The following KLHL28 variants were observed in gnomAD, a reference collection of about 807,000 sequenced individuals.
KLHL28 encodes the protein kelch like family member 28.
In KLHL28, 22 loss-of-function variants were observed where a neutral mutation model predicts 48.3. The observed-to-expected ratio is 0.46, with a 90% confidence interval of 0.33 to 0.65. The LOEUF is 0.65. KLHL28 is among the 30% of genes least tolerant of loss of function. The pLI, the probability that KLHL28 is intolerant of heterozygous loss-of-function variation, is 0.03. For synonymous variants in KLHL28, 243 were observed against 242.4 expected (o/e 1.00, Z -0.02); for missense variants, 527 against 704.3 (o/e 0.75, Z 2.85).
At chr14:44,944,896 G>T in intron 2 of KLHL28, 134 bp downstream of exon 2, 1 of 645,076 alleles carries the variant, frequency 1.6e-6, no homozygotes, top group Admixed American at 3.0e-5. Context: ...ATTTTAGGAA[G>T]AAGAAAAAAA....
At chr14:44,930,359 G>A (rs889619870) in intron 4 of KLHL28, among the ~76,000 whole-genome samples, 14 of 152,072 alleles carry the variant, frequency 9.2e-5, no homozygotes, top group East Asian at 1.9e-4. Context: ...GCGCGATCTC[G>A]GTTCTAGCGA....
intron 1 of KLHL28, chr14:44,959,652 T>C (rs1884949241): frequency 6.6e-6 from 1 of 152,158 alleles, no homozygotes. Flanking sequence ...AAAATTAACA[T>C]ATGTAGCACA....
intron 1 of KLHL28, among the ~76,000 whole-genome samples, chr14:44,949,607 C>A (rs1428861548): frequency 6.6e-6 from 1 of 152,022 alleles, no homozygotes; most frequent in Non-Finnish European, 1.5e-5. Flanking sequence ...ATGTCCTGAA[C>A]TTTGAAGATG....
In KLHL28 at chr14:44,945,090, C is replaced by G. The variant is rs1279606091; in HGVS notation, c.839G>C (p.Cys280Ser). The G allele has an allele frequency of 1.9e-6, 3 of 1,613,952 alleles. No individual in the cohort carries two copies. In the African/African-American group the frequency reaches 4.0e-5, roughly 22 times the overall value. ...HQTVLMTRPR[C>S]APKVLCAVGG... ...TACTGCACAAAGTACTTTGGGAGCA[C>G]AGCGAGGTCGTGTCATCAAGACTGT... The change falls in exon 2 of 5, where the codon TGT becomes TCT. Residue 280 changes from cysteine to serine, a missense_variant. Transcript: ENST00000396128.
intron 4 of KLHL28, 23 bp downstream of exon 4, chr14:44,931,310 A>G (rs553975810): frequency 1.3e-6 from 2 of 1,515,514 alleles, no homozygotes; most frequent in South Asian, 2.3e-5. Flanking sequence ...TTACATGTTT[A>G]GAAATTAATA....
chr14:44,944,283 T>C (rs1290405069), intron 2 of KLHL28, among the ~76,000 whole-genome samples: 1 of 152,238 alleles, frequency 6.6e-6, no homozygotes, highest in East Asian at 1.9e-4. Flanking sequence ...GCCCACTAGC[T>C]ATTTTTATAA....
In KLHL28 at chr14:44,947,333, G is replaced by C. The variant is rs562380586; in HGVS notation, c.1-1405C>G. Reference sequence around the variant, plus strand: ...GAGCTTATGGAAGGAGCATGGTCCTGCCACCTTAATTTTAGCCCACTGACA... The same window carrying C: ...GAGCTTATGGAAGGAGCATGGTCCTCCCACCTTAATTTTAGCCCACTGACA... On this transcript the variant is annotated intron_variant, in intron 1 of 4. Coordinates refer to ENST00000396128, the MANE Select transcript of KLHL28 (RefSeq NM_017658.5). Among the ~76,000 whole-genome samples the C allele has an allele frequency of 2.3e-4, 35 of 152,318 alleles. 1 individual carries two copies. In the South Asian group the frequency reaches 7.0e-3, roughly 31 times the overall value.
At chr14:44,956,874 A>G (rs1884814339) in intron 1 of KLHL28, among the ~76,000 whole-genome samples, 1 of 152,156 alleles carries the variant, frequency 6.6e-6, no homozygotes, top group Non-Finnish European at 1.5e-5. Flanking sequence ...TTGGTGTGCA[A>G]TGGTGCAATT....
intron 1 of KLHL28, among the ~76,000 whole-genome samples, chr14:44,955,777 C>G (rs1884769464): frequency 6.6e-6 from 1 of 152,040 alleles, no homozygotes; most frequent in Non-Finnish European, 1.5e-5. Flanking sequence ...CAGAGTGAGG[C>G]CCTGCCTCAA....
chr14:44,926,551 G>C lies in KLHL28; in HGVS notation c.*2477C>G, dbSNP rs1883378433. 1 of 151,758 alleles carries C rather than the reference G, an allele frequency of 6.6e-6. No individual in the cohort carries two copies. The highest frequency in any genetic ancestry group is 2.4e-5 in the African/African-American group (1 of 41,180). 9.4% of individuals were successfully genotyped at this position (151,758 alleles called of 1,614,324 possible). A position where few individuals can be genotyped will look rare whatever the true frequency, so the allele number is the denominator to read the frequency against. ...GGTGGAGTTTCACTCTTGTTGCCCAGGCTGGAGTGCAATGGTGCAAGCTCG... is the reference window on the plus strand; with the variant it reads ...GGTGGAGTTTCACTCTTGTTGCCCACGCTGGAGTGCAATGGTGCAAGCTCG... On this transcript the variant is annotated 3_prime_UTR_variant, in exon 5 of 5. Transcript: ENST00000396128.
chr14:44,948,220 C>A (rs767714808), intron 1 of KLHL28, among the ~76,000 whole-genome samples: 85 of 152,230 alleles, frequency 5.6e-4, no homozygotes, highest in Non-Finnish European at 1.1e-3. Context: ...AGAATGAGAT[C>A]ATAATAATAC....
In KLHL28 at chr14:44,939,591, C is replaced by T. The variant is rs140285321; in HGVS notation, c.900-5033G>A. ...TCTGAAGTTCTGCATTCCATAAAGT[C>T]CTAGGAAACTGATGCAATTCAGCAA... On this transcript the variant is annotated intron_variant, in intron 2 of 4. Coordinates refer to ENST00000396128, the MANE Select transcript of KLHL28 (RefSeq NM_017658.5). 1.1e-3 allele frequency among the ~76,000 whole-genome samples: 175 copies of T among 152,262 alleles called. 1 individual carries two copies. The highest frequency in any genetic ancestry group is 4.0e-3 in the African/African-American group (167 of 41,556).
intron 1 of KLHL28, among the ~76,000 whole-genome samples, chr14:44,950,794 A>G (rs1180326378): frequency 6.6e-6 from 1 of 152,172 alleles, no homozygotes; most frequent in Non-Finnish European, 1.5e-5. Flanking sequence ...GGTAGACGTT[A>G]TTTATTTTTA....
Position 44,945,708 on chromosome 14 carries a change from C to T in KLHL28, c.221G>A (p.Ser74Asn). 1 of 1,614,190 alleles carries T rather than the reference C, an allele frequency of 6.2e-7. No individual in the cohort carries two copies. Among genetic ancestry groups the T allele is most frequent in the Non-Finnish European group, 8.5e-7 (1 of 1,180,032 alleles). Residue 74 changes from serine to asparagine, a missense_variant, in exon 2 of 5, where the codon AGT becomes AAT. Ser to Asn is a conservative substitution (Grantham distance 46). Coordinates refer to ENST00000396128, the MANE Select transcript of KLHL28 (RefSeq NM_017658.5). ...ATCAATGCATTGAAACTCAACCTCA[C>T]TGTTCTCTTTTTCAGAAAGGTTTCC... ...FTGNLSEKEN[S>N]EVEFQCIDET...
rs745403290 is a variant in KLHL28 at position 44,934,466 on chromosome 14, T to C, written c.992A>G (p.Gln331Arg). The change falls in exon 3 of 5, where the codon CAA (glutamine) becomes CGA (arginine). Residue 331 changes from glutamine to arginine, a missense_variant. Coordinates refer to ENST00000396128, the MANE Select transcript of KLHL28 (RefSeq NM_017658.5). ...AATACCACCTATAACATATACTTTT[T>C]GGTCTAAAACGCATATTCCAAATTC... ...RYEFGICVLD[Q>R]KVYVIGGIAT... The C allele has an allele frequency of 1.9e-6, 3 of 1,614,110 alleles. No individual in the cohort carries two copies. The Admixed American group carries it at 5.0e-5, about 27-fold the overall frequency.
At chr14:44,956,331 C>A (rs1485512948) in intron 1 of KLHL28, among the ~76,000 whole-genome samples, 1 of 152,082 alleles carries the variant, frequency 6.6e-6, no homozygotes, top group African/African-American at 2.4e-5. Flanking sequence ...CATTTTGCAT[C>A]CTTAATAAAT....
At chr14:44,956,464 C>T (rs2138669632) in intron 1 of KLHL28, among the ~76,000 whole-genome samples, 2 of 152,186 alleles carry the variant, frequency 1.3e-5, no homozygotes, top group East Asian at 3.9e-4. Context: ...CAACACACAC[C>T]AAAGTCAAGC....
At chr14:44,938,496 C>T (rs1176716167) in intron 2 of KLHL28, among the ~76,000 whole-genome samples, 2 of 151,904 alleles carry the variant, frequency 1.3e-5, no homozygotes, top group Non-Finnish European at 2.9e-5. Context: ...CTCAGCCTCC[C>T]GAGTAGCTGG....
intron 2 of KLHL28, among the ~76,000 whole-genome samples, chr14:44,935,066 T>G (rs1385569880): frequency 6.6e-6 from 1 of 152,192 alleles, no homozygotes; most frequent in African/African-American, 2.4e-5. Context: ...AGCTCCAAAG[T>G]GGAAACAATC....
Sources: allele counts gnomAD v4.1 joint callset (sites outside exome capture counted in the v4.1 genomes callset), GRCh38; gene constraint gnomAD v4.1.1; transcripts MANE v1.5; gene names NCBI Gene and HGNC (gene_info 2026-07-23, HGNC 2026-07-21).